ATP5PF: variants seen among roughly 807,000 people sequenced by gnomAD.
ATP5PF encodes the protein ATP synthase peripheral stalk subunit F6, mitochondrial.
A neutral mutation model predicts 12.0 loss-of-function variants in ATP5PF; 7 were observed. The ratio of observed to expected loss-of-function variants is 0.58; its 90% CI spans 0.33 to 1.10. ATP5PF has a LOEUF of 1.10. Among genes scored for constraint, ATP5PF ranks in the 50% least tolerant of loss-of-function variants. The probability of loss-of-function intolerance (pLI) is 0.03; values close to 1 mark genes in which losing one functional copy is unlikely to be tolerated. For missense variants in ATP5PF, 120 were observed against 127.7 expected (o/e 0.94, Z 0.29); for synonymous variants, 41 against 45.4 (o/e 0.90, Z 0.39).
chr21:25,733,575 C>T lies in ATP5PF; in HGVS notation c.-8+1278G>A, dbSNP rs71649633. On this transcript the variant is annotated intron_variant, in intron 1 of 3. Transcript: ENST00000284971. Reference sequence around the variant, plus strand: ...TTACACAGCAAAATCTAACTTAACACATATATGCAAAAAAAAAAATTGTGC... The same window carrying T: ...TTACACAGCAAAATCTAACTTAACATATATATGCAAAAAAAAAAATTGTGC... Among the ~76,000 whole-genome samples, 398 of 151,082 alleles carry T rather than the reference C, an allele frequency of 2.6e-3. 2 individuals are homozygous for T. The highest frequency in any genetic ancestry group is 9.6e-3 in the African/African-American group (388 of 40,570).
intron 2 of ATP5PF, among the ~76,000 whole-genome samples, chr21:25,728,318 A>G (rs941256119): frequency 3.3e-5 from 5 of 152,298 alleles, no homozygotes; most frequent in African/African-American, 9.6e-5. Flanking sequence ...TCAGTCTACA[A>G]TCAAGGCCTT....
intron 1 of ATP5PF, among the ~76,000 whole-genome samples, chr21:25,730,471 C>T (rs537455035): frequency 2.0e-5 from 3 of 152,180 alleles, no homozygotes; most frequent in South Asian, 2.1e-4. Context: ...CAGTGGTTCA[C>T]GCCTGTAATC....
At position 25,724,657 on chromosome 21, in the gene ATP5PF, C is replaced by T; in HGVS notation, c.310G>A (p.Glu104Lys). The T allele has an allele frequency of 6.9e-6, 11 of 1,594,154 alleles. No homozygotes were observed. The highest frequency in any genetic ancestry group is 1.7e-4 in the Middle Eastern group (1 of 6,000). ...KFEDPKFEVIEKPQA is the reference protein window; with the variant it reads ...KFEDPKFEVIKKPQA ...TTATTTCTTCAGGCCTGGGGTTTTT[C>T]GATGACTTCAAATTTGGGATCTAAG... is the stretch of plus-strand genomic sequence containing the variant. Residue 104 changes from glutamate to lysine, a missense_variant, in exon 4 of 4, where the codon GAA (glutamate) becomes AAA (lysine). Physicochemically the swap from Glu to Lys is moderately conservative, Grantham distance 56. Coordinates refer to ENST00000284971, the MANE Select transcript of ATP5PF (RefSeq NM_001003703.2).
intron 2 of ATP5PF, among the ~76,000 whole-genome samples, chr21:25,725,685 G>A (rs148937342): frequency 0.012 from 1,804 of 152,228 alleles, 18 homozygotes; most frequent in South Asian, 0.02. Context: ...TGATCCGCCC[G>A]CCTCGGCCTC....
At chr21:25,732,151 G>A (rs2034799204) in intron 1 of ATP5PF, among the ~76,000 whole-genome samples, 1 of 152,146 alleles carries the variant, frequency 6.6e-6, no homozygotes, top group Non-Finnish European at 1.5e-5. Context: ...TCTCCAAGGA[G>A]ACATCTGGCA....
chr21:25,728,261 C>CA (rs2034668370), intron 2 of ATP5PF, among the ~76,000 whole-genome samples: 1 of 152,172 alleles, frequency 6.6e-6, no homozygotes, highest in African/African-American at 2.4e-5. Context: ...CAGTCATGTT[C>CA]AAAAAGCTGT....
chr21:25,727,903 A>C (rs949847964), intron 2 of ATP5PF, among the ~76,000 whole-genome samples: 3 of 152,194 alleles, frequency 2.0e-5, no homozygotes, highest in Non-Finnish European at 4.4e-5. Context: ...TTTCATTACC[A>C]TGTCTACAAA....
At chr21:25,725,157 A>C in intron 3 of ATP5PF, 69 bp downstream of exon 3, 2 of 1,532,622 alleles carry the variant, frequency 1.3e-6, no homozygotes, top group South Asian at 2.6e-5. Flanking sequence ...GTTCTCTAAA[A>C]ATCCAGGTAA....
chr21:25,731,133 T>C (rs532351257), intron 1 of ATP5PF, among the ~76,000 whole-genome samples: 37 of 152,152 alleles, frequency 2.4e-4, no homozygotes, highest in African/African-American at 8.4e-4. Flanking sequence ...TCCCAGTTAT[T>C]TGGGAGGCTG....
At chr21:25,724,967 A>C (rs1416130676) in intron 3 of ATP5PF, 1 of 593,612 alleles carries the variant, frequency 1.7e-6, no homozygotes, top group Non-Finnish European at 2.9e-6. Flanking sequence ...TCAAGATTAC[A>C]CAGCTGAAAG....
rs754271063 is a variant in ATP5PF, at chr21:25,724,597, A to C, written c.*43T>G. 1 of 1,593,498 alleles carries C rather than the reference A, an allele frequency of 6.3e-7. No individual in the cohort carries two copies. The highest frequency in any genetic ancestry group is 8.6e-7 in the Non-Finnish European group (1 of 1,167,214). ...TCTGAAACTTCTAACTAGTTGTACAACTAATCCGTGACAAATTACCAGATT... is the reference window on the plus strand; with the variant it reads ...TCTGAAACTTCTAACTAGTTGTACACCTAATCCGTGACAAATTACCAGATT... On this transcript the variant is annotated 3_prime_UTR_variant, in exon 4 of 4. Coordinates refer to ENST00000284971, the MANE Select transcript of ATP5PF (RefSeq NM_001003703.2).
At chr21:25,730,644 G>GT (rs1406653217) in intron 1 of ATP5PF, among the ~76,000 whole-genome samples, 1 of 145,504 alleles carries the variant, frequency 6.9e-6, no homozygotes, top group African/African-American at 2.5e-5. Context: ...TGAGGCAGGA[G>GT]AATTGCTTGA....
At chr21:25,729,339 T>A (rs560633150) in intron 2 of ATP5PF, among the ~76,000 whole-genome samples, 1 of 152,342 alleles carries the variant, frequency 6.6e-6, no homozygotes, top group South Asian at 2.1e-4. Flanking sequence ...AGACCCTATG[T>A]ATTTCTATAA....
intron 1 of ATP5PF, among the ~76,000 whole-genome samples, chr21:25,731,573 TG>T (rs1307602351): frequency 2.0e-5 from 3 of 151,608 alleles, no homozygotes; most frequent in Non-Finnish European, 2.9e-5. Flanking sequence ...TTTTTTTTTT[TG>T]TAGAGACGAG....
chr21:25,725,274 T>G lies in ATP5PF; in HGVS notation c.241A>C (p.Met81Leu), dbSNP rs760430074. The change falls in exon 3 of 4, where the codon ATG (methionine) becomes CTG (leucine). Residue 81 changes from methionine to leucine, a missense_variant. Met to Leu is a conservative substitution (Grantham distance 15). Transcript: ENST00000284971. ...GTATTCATGTCTGCATTACCAAACA[T>G]TTGCTTGAGCTTAAAAAGCTCCCTC... ...LERELFKLKQMFGNADMNTFP... is the reference protein window; with the variant it reads ...LERELFKLKQLFGNADMNTFP... 1.2e-6 allele frequency: 2 copies of G among 1,613,448 alleles called. No homozygotes were observed. The highest frequency in any genetic ancestry group is 1.7e-5 in the Admixed American group (1 of 59,872).
At chr21:25,731,145 G>A (rs1229221697) in intron 1 of ATP5PF, among the ~76,000 whole-genome samples, 1 of 152,166 alleles carries the variant, frequency 6.6e-6, no homozygotes, top group African/African-American at 2.4e-5. Flanking sequence ...GGGAGGCTGA[G>A]GCAGGAGAAT....
intron 1 of ATP5PF, among the ~76,000 whole-genome samples, chr21:25,730,887 A>T (rs2034756221): frequency 6.6e-6 from 1 of 152,162 alleles, no homozygotes; most frequent in African/African-American, 2.4e-5. Flanking sequence ...AGTGATTTAA[A>T]GATCAAATGC....
intron 1 of ATP5PF, among the ~76,000 whole-genome samples, chr21:25,730,080 G>A (rs532695809): frequency 6.6e-6 from 1 of 152,272 alleles, no homozygotes; most frequent in African/African-American, 2.4e-5. Context: ...CTTCCCCCTT[G>A]AACTTAGTCA....
chr21:25,734,823 C>A lies in ATP5PF; in HGVS notation c.-8+30G>T, dbSNP rs2034957704. The A allele has an allele frequency of 2.0e-6, 3 of 1,527,016 alleles. No homozygotes were observed. In the South Asian group the frequency reaches 3.6e-5, roughly 18 times the overall value. 94.6% of individuals were successfully genotyped at this position (1,527,016 alleles called of 1,614,324 possible). A position where few individuals can be genotyped will look rare whatever the true frequency, so the allele number is the denominator to read the frequency against. On this transcript the variant is annotated intron_variant, in intron 1 of 3. Coordinates refer to ENST00000284971, the MANE Select transcript of ATP5PF (RefSeq NM_001003703.2). ...AACCCAGAACTGGAGTCCCAAAAGG[C>A]CACGCTGATCTAGCTACCCTCCCAG...
Sources: gnomAD v4.1 joint callset for allele counts (sites outside exome capture counted in the v4.1 genomes callset) on GRCh38, gnomAD v4.1.1 for gene constraint, MANE v1.5 for transcripts, NCBI Gene and HGNC (gene_info 2026-07-23, HGNC 2026-07-21) for gene names.